LRBA: variants seen among roughly 807,000 people sequenced by gnomAD.
LRBA encodes the protein LPS responsive beige-like anchor protein, also known as lipopolysaccharide-responsive and beige-like anchor protein.
In LRBA, 176 loss-of-function variants were observed where a neutral mutation model predicts 330.0. That is an observed-to-expected ratio of 0.53 (90% confidence interval 0.47 to 0.60). The LOEUF (loss-of-function observed/expected upper bound fraction) is 0.60, where lower values mean the gene tolerates loss of function less well. Among genes scored for constraint, LRBA ranks in the 20% least tolerant of loss-of-function variants. LRBA has a pLI of 0.00. For missense variants in LRBA, 3,259 were observed against 3,444.8 expected (o/e 0.95, Z 1.35); for synonymous variants, 1,230 against 1,193.0 (o/e 1.03, Z -0.64).
intron 2 of LRBA, among the ~76,000 whole-genome samples, chr4:150,994,566 A>T (rs1742439507): frequency 6.6e-6 from 1 of 152,252 alleles, no homozygotes; most frequent in Non-Finnish European, 1.5e-5. Flanking sequence ...ACGCAATAAA[A>T]AAAATCTGAT....
At chr4:150,481,702 C>T (rs1023577799) in intron 42 of LRBA, among the ~76,000 whole-genome samples, 2 of 152,204 alleles carry the variant, frequency 1.3e-5, no homozygotes, top group South Asian at 2.1e-4. Context: ...TAATTTCTTT[C>T]ATTTAGCATA....
At chr4:150,508,150 A>G (rs1399580682) in intron 40 of LRBA, among the ~76,000 whole-genome samples, 1 of 145,684 alleles carries the variant, frequency 6.9e-6, no homozygotes, top group Admixed American at 6.9e-5. Flanking sequence ...TGGGTACAGC[A>G]CACCAACATG....
chr4:150,343,995 G>A (rs1735933242), intron 48 of LRBA, among the ~76,000 whole-genome samples: 1 of 152,036 alleles, frequency 6.6e-6, no homozygotes, highest in African/African-American at 2.4e-5. Context: ...GTTCCCTCCT[G>A]TTCAGTGCTT....
chr4:150,942,929 T>C (rs1735841790), intron 2 of LRBA, among the ~76,000 whole-genome samples: 1 of 152,182 alleles, frequency 6.6e-6, no homozygotes, highest in South Asian at 2.1e-4. Flanking sequence ...CTTTACTATC[T>C]ATACAAAAAT....
intron 5 of LRBA, among the ~76,000 whole-genome samples, chr4:150,918,477 G>T (rs762834483): frequency 2.0e-5 from 3 of 152,146 alleles, no homozygotes; most frequent in Non-Finnish European, 4.4e-5. Context: ...GGCCGGGCAC[G>T]GTGGCTCACG....
At chr4:150,899,981 A>C (rs947719787) in intron 14 of LRBA, 68 bp downstream of exon 14, 1 of 1,289,788 alleles carries the variant, frequency 7.8e-7, no homozygotes, top group African/African-American at 1.5e-5. Context: ...GTACTGGTTA[A>C]AACAAAAAGA....
intron 36 of LRBA, among the ~76,000 whole-genome samples, chr4:150,724,197 G>A (rs552705211): frequency 1.3e-5 from 2 of 152,288 alleles, no homozygotes; most frequent in African/African-American, 4.8e-5. Flanking sequence ...CTAACCCAGT[G>A]CAGCCCTAGT....
chr4:150,493,137 C>T (rs757235363), intron 40 of LRBA, among the ~76,000 whole-genome samples: 1 of 152,148 alleles, frequency 6.6e-6, no homozygotes, highest in South Asian at 2.1e-4. Flanking sequence ...CGTGCCACCA[C>T]ATCTAGCTAA....
intron 2 of LRBA, among the ~76,000 whole-genome samples, chr4:150,963,347 G>C (rs1738393827): frequency 6.7e-6 from 1 of 149,404 alleles, no homozygotes; most frequent in Non-Finnish European, 1.5e-5. Flanking sequence ...CACCACACCT[G>C]ACTGGTTTTC....
intron 40 of LRBA, among the ~76,000 whole-genome samples, chr4:150,565,332 G>A (rs529404970): frequency 1.4e-4 from 21 of 152,008 alleles, no homozygotes; most frequent in Non-Finnish European, 2.4e-4. Context: ...AACACACACC[G>A]GGGCCTGTTG....
intron 2 of LRBA, chr4:151,013,549 T>C (rs146290157): frequency 8.5e-5 from 13 of 152,170 alleles, no homozygotes; most frequent in Non-Finnish European, 1.3e-4. Flanking sequence ...GTATAATATA[T>C]GAATTATACC....
intron 17 of LRBA, among the ~76,000 whole-genome samples, chr4:150,885,200 C>CAAA (rs34720483): frequency 8.7e-6 from 1 of 114,510 alleles, no homozygotes; most frequent in African/African-American, 3.8e-5. Flanking sequence ...ACAAGAGTTC[C>CAAA]AAAAAAAAAA....
chr4:150,963,064 A>G (rs970854900), intron 2 of LRBA, among the ~76,000 whole-genome samples: 1 of 148,468 alleles, frequency 6.7e-6, no homozygotes, highest in South Asian at 2.1e-4. Context: ...TCCCTTTAAA[A>G]TAAGAAGCTT....
chr4:150,606,850 T>C (rs141134035), intron 37 of LRBA, among the ~76,000 whole-genome samples: 1 of 152,348 alleles, frequency 6.6e-6, no homozygotes, highest in Non-Finnish European at 1.5e-5. Flanking sequence ...AGGATCTATT[T>C]TGTAAGTTAC....
intron 44 of LRBA, among the ~76,000 whole-genome samples, chr4:150,443,878 T>TAG (rs1752225336): frequency 2.0e-5 from 1 of 49,088 alleles, no homozygotes; most frequent in African/African-American, 5.7e-5. Context: ...ATATATTTTT[T>TAG]TTTTTTTTTT....
At chr4:150,744,841 A>G (rs1313717597) in intron 35 of LRBA, among the ~76,000 whole-genome samples, 5 of 152,220 alleles carry the variant, frequency 3.3e-5, no homozygotes, top group African/African-American at 1.2e-4. Flanking sequence ...AACAGAATAT[A>G]GTAAAGATAA....
chr4:150,920,710 A>G (rs1438507962), intron 5 of LRBA, among the ~76,000 whole-genome samples: 2 of 152,238 alleles, frequency 1.3e-5, no homozygotes, highest in Non-Finnish European at 2.9e-5. Context: ...TGTCTTATGT[A>G]TAAACTGATT....
At chr4:150,801,356 A>G (rs1169771733) in intron 33 of LRBA, among the ~76,000 whole-genome samples, 1 of 152,226 alleles carries the variant, frequency 6.6e-6, no homozygotes, top group African/African-American at 2.4e-5. Flanking sequence ...CTAGCTTATC[A>G]TAAATTCTGG....
At chr4:150,318,662 A>G (rs2126913726) in intron 50 of LRBA, among the ~76,000 whole-genome samples, 1 of 152,284 alleles carries the variant, frequency 6.6e-6, no homozygotes, top group South Asian at 2.1e-4. Flanking sequence ...CAAATTGGAG[A>G]TCACATTCTA....
Sources: gnomAD v4.1 joint callset for allele counts (sites outside exome capture counted in the v4.1 genomes callset) on GRCh38, gnomAD v4.1.1 for gene constraint, MANE v1.5 for transcripts, NCBI Gene and HGNC (gene_info 2026-07-23, HGNC 2026-07-21) for gene names.